The following RXRA variants were observed in gnomAD, a reference collection of about 807,000 sequenced individuals.
RXRA encodes the protein retinoid X receptor alpha.
Under a neutral mutation model 44.5 loss-of-function variants are expected in RXRA, and 5 were observed. The ratio of observed to expected loss-of-function variants is 0.11; its 90% confidence interval spans 0.06 to 0.24. The LOEUF (loss-of-function observed/expected upper bound fraction) is 0.24. Among genes scored for constraint, RXRA ranks in the 10% least tolerant of loss-of-function variants. RXRA has a pLI of 1.00. For synonymous variants in RXRA, 291 were observed against 271.4 expected (o/e 1.07, Z -0.71); for missense variants, 412 against 646.5 (o/e 0.64, Z 3.93).
At chr9:134,339,477 G>A (rs1442984975) in intron 1 of RXRA, among the ~76,000 whole-genome samples, 1 of 151,486 alleles carries the variant, frequency 6.6e-6, no homozygotes, top group African/African-American at 2.4e-5. Context: ...CTGTGTGTGG[G>A]TGTGCATGCC....
intron 1 of RXRA, among the ~76,000 whole-genome samples, chr9:134,347,992 G>A (rs1358530092): frequency 6.6e-6 from 1 of 152,176 alleles, no homozygotes; most frequent in Admixed American, 6.5e-5. Context: ...AGAAGCAGAG[G>A]TGGTCATGGC....
At chr9:134,424,563 T>TA (rs1468908175) in intron 6 of RXRA, 14 of 985,318 alleles carry the variant, frequency 1.4e-5, no homozygotes, top group Non-Finnish European at 1.7e-5. Context: ...CTGAGTCACT[T>TA]ACTCTCTGTG....
At chr9:134,391,353 C>T (rs974799324) in intron 1 of RXRA, among the ~76,000 whole-genome samples, 3 of 152,202 alleles carry the variant, frequency 2.0e-5, no homozygotes, top group Admixed American at 6.5e-5. Flanking sequence ...AAAGCCTGGC[C>T]GTTCCACGAC....
At chr9:134,431,769 T>C (rs961958777) in intron 7 of RXRA, 136 bp from the exon 8 acceptor site, 10 of 618,336 alleles carry the variant, frequency 1.6e-5, no homozygotes, top group Middle Eastern at 4.6e-4. Flanking sequence ...TGTCTGGGAG[T>C]CCTTGCCTTG....
In RXRA at chr9:134,417,722, G is replaced by A. The variant is rs1049798336; in HGVS notation, c.780+395G>A. ...CTTGGAAAAGGTATGGGAGGAGGCC[G>A]AGCCCCCAGCAAGAGGCTCTGCAGG... On this transcript the variant is annotated intron_variant, in intron 5 of 9. Transcript: ENST00000481739. This position sits in a 1 kb window ranked among gnomAD's most constrained non-coding sequence, Gnocchi z 6.1. Among the ~76,000 whole-genome samples, 1 of 152,144 alleles carries A rather than the reference G, an allele frequency of 6.6e-6. No homozygotes were observed. Among genetic ancestry groups the A allele is most frequent in the African/African-American group, 2.4e-5 (1 of 41,414 alleles).
chr9:134,436,139 C>T (rs1831616357), intron 9 of RXRA, among the ~76,000 whole-genome samples: 1 of 152,272 alleles, frequency 6.6e-6, no homozygotes. Flanking sequence ...AGCCATCATG[C>T]CCAACTGCCT....
chr9:134,396,789 G>C lies in RXRA; in HGVS notation c.29-4843G>C, dbSNP rs143636025. 5.3e-3 allele frequency among the ~76,000 whole-genome samples: 805 copies of C among 152,302 alleles called. 8 individuals carry two copies. The highest frequency in any genetic ancestry group is 0.018 in the African/African-American group (731 of 41,558). ...CCTGGGGCGCCAGATTGGATGGTCC[G>C]GGTGTCCTCTGTTTTTCATCTAGAC... On this transcript the variant is annotated intron_variant, in intron 1 of 9. Transcript: ENST00000481739.
intron 4 of RXRA, among the ~76,000 whole-genome samples, chr9:134,414,177 A>G (rs1831196261): frequency 6.6e-6 from 1 of 152,250 alleles, no homozygotes; most frequent in Non-Finnish European, 1.5e-5. Flanking sequence ...CACAGCTTCA[A>G]AGTGCTTCAC....
At chr9:134,326,681 C>G in intron 1 of RXRA, 22 bp downstream of exon 1, 1 of 838,874 alleles carries the variant, frequency 1.2e-6, no homozygotes, top group Non-Finnish European at 1.4e-6. Flanking sequence ...CCGGGCCGGG[C>G]GGGGACGGGG....
rs921582953 is a variant in RXRA, at chr9:134,438,072, T to G, written c.*1458T>G. ...GCACTGGAAGGCCCTCCCTTTGGCC[T>G]GAGTACTTTTCCCGTTCACGCCTCA... On this transcript the variant is annotated 3_prime_UTR_variant, in exon 10 of 10. Transcript: ENST00000481739. The G allele has an allele frequency of 1.3e-5, 2 of 152,616 alleles. No individual in the cohort carries two copies. Among genetic ancestry groups the G allele is most frequent in the African/African-American group, 4.8e-5 (2 of 41,470 alleles). The allele number at this position is 152,616 out of a possible 1,614,324, so 9.5% of individuals were successfully genotyped here. A position where few individuals can be genotyped will look rare whatever the true frequency, so the allele number is the denominator to read the frequency against.
chr9:134,427,770 C>T (rs1482342448), intron 6 of RXRA, among the ~76,000 whole-genome samples: 1 of 152,226 alleles, frequency 6.6e-6, no homozygotes, highest in South Asian at 2.1e-4. Context: ...TCACTTACCC[C>T]CTCATGCCTC....
At chr9:134,328,125 C>T (rs187685983) in intron 1 of RXRA, among the ~76,000 whole-genome samples, 1 of 152,274 alleles carries the variant, frequency 6.6e-6, no homozygotes, top group East Asian at 1.9e-4. Flanking sequence ...CTGGGGCTGC[C>T]TTTCCCTGTT....
chr9:134,361,571 C>T (rs946971197), intron 1 of RXRA, among the ~76,000 whole-genome samples: 2 of 152,236 alleles, frequency 1.3e-5, no homozygotes, highest in African/African-American at 4.8e-5. Context: ...ATGCCTCCAA[C>T]GTGCGTGATT....
chr9:134,379,926 C>G lies in RXRA; in HGVS notation c.29-21706C>G, dbSNP rs1830616591. 4.1e-6 allele frequency: 4 copies of G among 985,174 alleles called. No homozygotes were observed. In the South Asian group the frequency reaches 1.4e-4, roughly 35 times the overall value. The allele number at this position is 985,174 out of a possible 1,614,324, so 61.0% of individuals were successfully genotyped here. ...CCTGGAGGCCTGCTGGTCTCTGGGT[C>G]TGAGACTCTGGCCTCCCAGCCTGCT... On this transcript the variant is annotated intron_variant, in intron 1 of 9. Transcript: ENST00000481739.
At chr9:134,427,444 T>C (rs1831453754) in intron 6 of RXRA, among the ~76,000 whole-genome samples, 1 of 152,194 alleles carries the variant, frequency 6.6e-6, no homozygotes, top group Admixed American at 6.5e-5. Flanking sequence ...GGCTTTTCCA[T>C]CAGACCGCCC....
At chr9:134,374,762 G>A (rs758183847) in intron 1 of RXRA, among the ~76,000 whole-genome samples, 19 of 152,238 alleles carry the variant, frequency 1.2e-4, no homozygotes, top group Non-Finnish European at 2.2e-4. Flanking sequence ...GAGGCTCAGC[G>A]AGATTGTCTA....
intron 1 of RXRA, among the ~76,000 whole-genome samples, chr9:134,364,323 T>G (rs1830388423): frequency 6.6e-6 from 1 of 152,224 alleles, no homozygotes; most frequent in Admixed American, 6.5e-5. Context: ...CACTGGTGGC[T>G]TCAGGGGGCT....
In RXRA at chr9:134,366,865, C is replaced by T. The variant is rs940657037; in HGVS notation, c.29-34767C>T. Among the ~76,000 whole-genome samples the T allele has an allele frequency of 2.0e-5, 3 of 152,124 alleles. No individual in the cohort carries two copies. The highest frequency in any genetic ancestry group is 1.9e-4 in the East Asian group (1 of 5,184). Reference sequence around the variant, plus strand: ...ACAGGAGTCGGGGACACATCCCAGTCGGAACGTGGTGGAAAGGCGCCAGGC... The same window carrying T: ...ACAGGAGTCGGGGACACATCCCAGTTGGAACGTGGTGGAAAGGCGCCAGGC... On this transcript the variant is annotated intron_variant, in intron 1 of 9. Coordinates refer to ENST00000481739, the MANE Select transcript of RXRA (RefSeq NM_002957.6). This position sits in a 1 kb window ranked among gnomAD's most constrained non-coding sequence, Gnocchi z 5.9.
intron 1 of RXRA, among the ~76,000 whole-genome samples, chr9:134,347,336 G>A (rs1830165206): frequency 6.6e-6 from 1 of 152,242 alleles, no homozygotes; most frequent in Non-Finnish European, 1.5e-5. Context: ...GCCCTGCCGC[G>A]GTGTTGACCA....
Sources: allele counts gnomAD v4.1 joint callset (sites outside exome capture counted in the v4.1 genomes callset), GRCh38; gene constraint gnomAD v4.1.1; non-coding constraint Gnocchi (gnomAD v3.1); transcripts MANE v1.5; gene names NCBI Gene and HGNC (gene_info 2026-07-23, HGNC 2026-07-21).